The following SNAPC4 variants were observed in gnomAD, a reference collection of about 807,000 sequenced individuals.
The protein encoded by SNAPC4 is snRNA-activating protein complex subunit 4.
Under a neutral mutation model 151.3 loss-of-function variants are expected in SNAPC4, and 127 were observed. That is an observed-to-expected ratio of 0.84 (90% CI 0.73 to 0.97). The LOEUF (loss-of-function observed/expected upper bound fraction) is 0.97, where lower values mean the gene tolerates loss of function less well. Among genes scored for constraint, SNAPC4 ranks in the 50% least tolerant of loss-of-function variants. The pLI is 0.00. For synonymous variants in SNAPC4, 1,002 were observed against 824.4 expected (o/e 1.22, Z -3.69); for missense variants, 2,186 against 1,935.0 (o/e 1.13, Z -2.43).
rs575461656 is a variant in SNAPC4, at chr9:136,384,225, A to G, written c.1421-193T>C. On this transcript the variant is annotated intron_variant, in intron 14 of 23. Transcript: ENST00000684778. ...ATTCTCATTGGATGCTCAGCCCCTT[A>G]GGAAAGTTCTGCCAAACATGTAACT... 2.9e-4 allele frequency among the ~76,000 whole-genome samples: 44 copies of G among 152,256 alleles called. 1 individual carries two copies. Among genetic ancestry groups the G allele is most frequent in the African/African-American group, 1.0e-3 (42 of 41,544 alleles).
Position 136,395,508 on chromosome 9 carries a change from C to T in SNAPC4, c.346-85G>A, listed in dbSNP as rs938427273. The T allele has an allele frequency of 2.6e-5, 41 of 1,571,420 alleles. 1 individual carries two copies. In the South Asian group the frequency reaches 4.8e-4, roughly 18 times the overall value. On this transcript the variant is annotated intron_variant, in intron 4 of 23. Coordinates refer to ENST00000684778, the MANE Select transcript of SNAPC4 (RefSeq NM_003086.4). ...GAGGAGACCCGGGGCAGAGGAGAGG[C>T]AGGGAGCTGGGGAGCCCTGGACCTG...
chr9:136,391,915 C>A (rs758855072), intron 10 of SNAPC4, 27 bp downstream of exon 10: 22 of 1,593,806 alleles, frequency 1.4e-5, no homozygotes, highest in Non-Finnish European at 1.9e-5. Flanking sequence ...GGTCTCCTGG[C>A]CCCTGGGGTC....
At chr9:136,377,397 A>G (rs1833487658) in intron 22 of SNAPC4, 146 bp downstream of exon 22, 1 of 1,043,550 alleles carries the variant, frequency 9.6e-7, no homozygotes, top group Non-Finnish European at 1.3e-6. Flanking sequence ...GCAGGCCAGG[A>G]ACCAGCTTCC....
At chr9:136,386,179 C>T (rs11145824) in intron 13 of SNAPC4, among the ~76,000 whole-genome samples, 22,904 of 150,774 alleles carry the variant, frequency 0.15, 1,854 homozygotes, top group East Asian at 0.25. Context: ...GCCATCCCAA[C>T]GCGTGTGTGG....
intron 20 of SNAPC4, among the ~76,000 whole-genome samples, chr9:136,380,164 G>C (rs558603648): frequency 1.4e-4 from 22 of 152,326 alleles, no homozygotes; most frequent in African/African-American, 5.1e-4. Flanking sequence ...GTGACCCCTT[G>C]GGTAGGGGAC....
At chr9:136,397,231 C>G (rs888354148) in intron 2 of SNAPC4, among the ~76,000 whole-genome samples, 1 of 152,258 alleles carries the variant, frequency 6.6e-6, no homozygotes, top group East Asian at 1.9e-4. Flanking sequence ...AAAACTCTGA[C>G]CACACACTGG....
intron 11 of SNAPC4, 109 bp downstream of exon 11, chr9:136,388,335 A>C: frequency 8.7e-7 from 1 of 1,148,612 alleles, no homozygotes; most frequent in South Asian, 1.5e-5. Context: ...GGACTGTCTA[A>C]GCCCTCGTCT....
chr9:136,378,107 C>CA lies in SNAPC4; in HGVS notation c.3719dup (p.Pro1241AlafsTer8). On this transcript the variant is annotated frameshift_variant, in exon 22 of 24. Transcript: ENST00000684778. LOFTEE classifies it high-confidence loss of function. ...TCTCAGGCCCAGGCTGGCGCAGGGG[C>CA]AGCTTCTCCAGGCCCAGAGGCCCCC... 2.5e-6 allele frequency: 4 copies of CA among 1,594,566 alleles called. No individual in the cohort carries two copies. Among genetic ancestry groups the CA allele is most frequent in the Non-Finnish European group, 3.4e-6 (4 of 1,171,856 alleles).
Position 136,378,104 on chromosome 9 carries a change from G to T in SNAPC4, c.3723C>A (p.Pro1241=). 1 of 1,593,826 alleles carries T rather than the reference G, an allele frequency of 6.3e-7. No individual in the cohort carries two copies. Among genetic ancestry groups the T allele is most frequent in the East Asian group, 2.3e-5 (1 of 43,892 alleles). ...CCTTCTCAGGCCCAGGCTGGCGCAG[G>T]GGCAGCTTCTCCAGGCCCAGAGGCC... The part of the protein sequence containing the change: ...PRGPLGLEKL[P]LRQPGPEKGA... Residue 1241 remains proline, a synonymous_variant, in exon 22 of 24, where the codon CCC becomes CCA. Coordinates refer to ENST00000684778, the MANE Select transcript of SNAPC4 (RefSeq NM_003086.4).
In SNAPC4 at chr9:136,392,726, C is replaced by T. The variant is rs374842792; in HGVS notation, c.684G>A (p.Arg228=). The change falls in exon 8 of 24, where the codon AGG becomes AGA. Residue 228 remains arginine (R), a synonymous_variant. Transcript: ENST00000684778. ...KQSKVSSELE[R]QALEKQGREA... ...CCCTGCCCTGCTTCTCCAGGGCTTG[C>T]CTCTCCAGCTCACTGGAGACTTTGC... 5.0e-6 allele frequency: 8 copies of T among 1,613,610 alleles called. No homozygotes were observed. The African/African-American group carries it at 1.1e-4, about 22-fold the overall frequency.
chr9:136,382,395 T>G lies in SNAPC4; in HGVS notation c.1984-59A>C, dbSNP rs369944318. 26 of 1,405,710 alleles carry G rather than the reference T, an allele frequency of 1.8e-5. No homozygotes were observed. In the African/African-American group the frequency reaches 2.8e-4, roughly 15 times the overall value. The allele number at this position is 1,405,710 out of a possible 1,614,324, so 87.1% of individuals were successfully genotyped here. ...GGGTGTACGGGACACATGGGGGCCCTCCCCTCGCTGCCCACACACGACTGC... is the reference window on the plus strand; with the variant it reads ...GGGTGTACGGGACACATGGGGGCCCGCCCCTCGCTGCCCACACACGACTGC... On this transcript the variant is annotated intron_variant, in intron 16 of 23. Coordinates refer to ENST00000684778, the MANE Select transcript of SNAPC4 (RefSeq NM_003086.4).
chr9:136,385,511 T>C (rs993371025), intron 13 of SNAPC4, among the ~76,000 whole-genome samples: 2 of 152,210 alleles, frequency 1.3e-5, no homozygotes, highest in South Asian at 2.1e-4. Context: ...ATCCATGTTG[T>C]ATCAGAATTT....
rs959628539 is a variant in SNAPC4, at chr9:136,383,610, G to A, written c.1559C>T (p.Ser520Phe). 6.2e-7 allele frequency: 1 copy of A among 1,612,132 alleles called. No homozygotes were observed. Among genetic ancestry groups the A allele is most frequent in the Non-Finnish European group, 8.5e-7 (1 of 1,179,740 alleles). ...ACTGCTGCTGCCGCTGCTGCTGGTA[G>A]AGCTCCACCGGACGCTGTGACGGGC... is the stretch of plus-strand genomic sequence containing the variant. ...RRARHSVRWS[S>F]TSSSGSSSGS... is the part of the protein sequence containing the mutation. Residue 520 changes from serine to phenylalanine, a missense_variant, in exon 16 of 24, where the codon TCT (serine) becomes TTT (phenylalanine). Physicochemically the swap from Ser to Phe is radical, Grantham distance 155. Transcript: ENST00000684778. This position sits in a 1 kb window ranked among gnomAD's most constrained non-coding sequence, Gnocchi z 4.2.
In SNAPC4 at chr9:136,379,266, GCTT is replaced by G; in HGVS notation, c.2558_2560del (p.Glu853del). On this transcript the variant is annotated inframe_deletion, in exon 22 of 24. Transcript: ENST00000684778. ...CCCTTTGTGGCTGGCACTCTTTGAG[GCTT>G]CTTGAGCCGGCACGTTTGGGAAGAG... 1 of 1,612,638 alleles carries G rather than the reference GCTT, an allele frequency of 6.2e-7. No homozygotes were observed. Among genetic ancestry groups the G allele is most frequent in the South Asian group, 1.1e-5 (1 of 91,068 alleles).
intron 21 of SNAPC4, among the ~76,000 whole-genome samples, chr9:136,379,604 G>GC (rs1227079174): frequency 6.6e-6 from 1 of 152,206 alleles, no homozygotes; most frequent in Admixed American, 6.5e-5. Context: ...GACGACCCCT[G>GC]CCTCTGGGCC....
chr9:136,381,479 GCCTTTCGAGGC>G, intron 18 of SNAPC4, 87 bp from the exon 19 acceptor site: 1 of 1,231,206 alleles, frequency 8.1e-7, no homozygotes, highest in Admixed American at 1.8e-5. Context: ...GCTCCCACGT[GCCTTTCGAGGC>G]GGCTCTGGGA....
At chr9:136,379,777 C>G (rs1214641507) in intron 21 of SNAPC4, 60 bp downstream of exon 21, 7 of 1,547,460 alleles carry the variant, frequency 4.5e-6, no homozygotes, top group Non-Finnish European at 6.2e-6. Context: ...CAGGTTAGGC[C>G]TCTTCCCCGC....
At chr9:136,386,146 C>CTTT (rs34717778) in intron 13 of SNAPC4, among the ~76,000 whole-genome samples, 3 of 145,332 alleles carry the variant, frequency 2.1e-5, no homozygotes, top group African/African-American at 5.1e-5. Flanking sequence ...AACACGGTGA[C>CTTT]TTTTTTTTTT....
At chr9:136,395,876 C>G (rs1834252516) in intron 3 of SNAPC4, 106 bp from the exon 4 acceptor site, 1 of 1,157,176 alleles carries the variant, frequency 8.6e-7, no homozygotes, top group African/African-American at 1.5e-5. Context: ...CGAGGCAGCT[C>G]TGGCATAGCA....
Sources: allele counts gnomAD v4.1 joint callset (sites outside exome capture counted in the v4.1 genomes callset), GRCh38; gene constraint gnomAD v4.1.1; non-coding constraint Gnocchi (gnomAD v3.1); transcripts MANE v1.5; gene names NCBI Gene and HGNC (gene_info 2026-07-23, HGNC 2026-07-21).